Variants in SHMT1 observed in about 807,000 individuals in gnomAD.
The protein encoded by SHMT1 is serine hydroxymethyltransferase 1.
A neutral mutation model predicts 49.0 loss-of-function variants in SHMT1; 45 were observed. The ratio of observed to expected loss-of-function variants is 0.92; its 90% confidence interval spans 0.72 to 1.18. SHMT1 has a LOEUF of 1.18. Among genes scored for constraint, SHMT1 ranks in the 50% most tolerant of loss-of-function variants. SHMT1 has a pLI of 0.00. For synonymous variants in SHMT1, 232 were observed against 246.6 expected (o/e 0.94, Z 0.55); for missense variants, 541 against 612.4 (o/e 0.88, Z 1.23).
rs201669757 is a variant in SHMT1, at chr17:18,333,494, TCA to T, written c.932-208_932-207del. ...TTTTTATTTTTTTTGAGATGGAGTT[TCA>T]CTCTTGTTGCCCAGGCTGGAGTGCA... is the stretch of plus-strand genomic sequence containing the variant. On this transcript the variant is annotated intron_variant, in intron 8 of 11. Transcript: ENST00000316694. The T allele has an allele frequency of 7.2e-3, 1,374 of 190,828 alleles. 17 individuals are homozygous for T. Among genetic ancestry groups the T allele is most frequent in the African/African-American group, 0.03 (1,280 of 42,302 alleles). The allele number at this position is 190,828 out of a possible 1,614,324, so 11.8% of individuals were successfully genotyped here.
Position 18,328,683 on chromosome 17 carries a change from A to G in SHMT1, c.*67T>C. 1 of 1,523,796 alleles carries G rather than the reference A, an allele frequency of 6.6e-7. No individual in the cohort carries two copies. Among genetic ancestry groups the G allele is most frequent in the Non-Finnish European group, 8.9e-7 (1 of 1,127,932 alleles). 94.4% of individuals were successfully genotyped at this position (1,523,796 alleles called of 1,614,324 possible). A position where few individuals can be genotyped will look rare whatever the true frequency, so the allele number is the denominator to read the frequency against. On this transcript the variant is annotated 3_prime_UTR_variant, in exon 12 of 12. Coordinates refer to ENST00000316694, the MANE Select transcript of SHMT1 (RefSeq NM_004169.5). ...CTTTGGAGCAGCTCATCCATCTCTC[A>G]GGTGGGGGTCCTCCGGCAGGCAGCT...
At position 18,347,653 on chromosome 17, in the gene SHMT1, G is replaced by A. The variant is rs1184616795; in HGVS notation, c.362C>T (p.Ser121Phe). 1 of 1,614,156 alleles carries A rather than the reference G, an allele frequency of 6.2e-7. No homozygotes were observed. Among genetic ancestry groups the A allele is most frequent in the South Asian group, 1.1e-5 (1 of 91,082 alleles). The change falls in exon 5 of 12, where the codon TCC becomes TTC. Residue 121 changes from serine to phenylalanine, a missense_variant. Coordinates refer to ENST00000316694, the MANE Select transcript of SHMT1 (RefSeq NM_004169.5). ...AGTGTACACAGCAAAGTTTGCAGGG[G>A]AGCCTGAAACGAGTGGACCAGAGGA... is the stretch of plus-strand genomic sequence containing the variant. ...WGVNVQPYSG[S>F]PANFAVYTAL...
chr17:18,335,818 G>A (rs984573789), intron 7 of SHMT1, 143 bp from the exon 8 acceptor site: 59 of 730,086 alleles, frequency 8.1e-5, no homozygotes, highest in South Asian at 1.7e-4. Context: ...GTAACACAGC[G>A]GAGCAGAGGG....
At chr17:18,360,019 G>A (rs1373261132) in intron 1 of SHMT1, among the ~76,000 whole-genome samples, 1 of 152,108 alleles carries the variant, frequency 6.6e-6, no homozygotes, top group African/African-American at 2.4e-5. Context: ...AGGCCAAGGC[G>A]GGCGGATCAC....
chr17:18,362,885 C>A (rs549021778), intron 1 of SHMT1: 1 of 152,380 alleles, frequency 6.6e-6, no homozygotes, highest in South Asian at 2.1e-4. Flanking sequence ...TGGAGCGACC[C>A]TGCGCGCAGC....
intron 7 of SHMT1, among the ~76,000 whole-genome samples, chr17:18,339,130 G>A (rs556995457): frequency 9.0e-5 from 13 of 144,110 alleles, no homozygotes; most frequent in South Asian, 2.3e-4. Context: ...CAAAGTTGGC[G>A]CATCAGGTCT....
Position 18,339,619 on chromosome 17 carries a change from G to T in SHMT1, c.814+424C>A, listed in dbSNP as rs921466816. 2.0e-5 allele frequency among the ~76,000 whole-genome samples: 3 copies of T among 151,542 alleles called. No individual in the cohort carries two copies. In the East Asian group the frequency reaches 5.8e-4, roughly 29 times the overall value. On this transcript the variant is annotated intron_variant, in intron 7 of 11. Transcript: ENST00000316694. ...TCTGTCGCCCAGGCTGGAGTACAGT[G>T]GCACAATCTCAGCTCACTGCAAGCT...
In SHMT1 at chr17:18,335,669, T is replaced by C. The variant is rs759311579; in HGVS notation, c.821A>G (p.Lys274Arg). 2 of 1,610,636 alleles carry C rather than the reference T, an allele frequency of 1.2e-6. No individual in the cohort carries two copies. The highest frequency in any genetic ancestry group is 1.3e-5 in the African/African-American group (1 of 74,858). ...TTTGCCAGTCTTGGGATCCACACTT[T>C]TCACTCCTGGAGGAAGAAAAACATC... ...AGMIFYRKGV[K>R]SVDPKTGKEI... The change falls in exon 8 of 12, where the codon AAA becomes AGA. Residue 274 changes from lysine to arginine, a missense_variant. By Grantham distance (26) the Lys-to-Arg change is conservative. Transcript: ENST00000316694.
chr17:18,359,600 C>T (rs566229539), intron 1 of SHMT1, among the ~76,000 whole-genome samples: 25 of 151,760 alleles, frequency 1.6e-4, no homozygotes, highest in African/African-American at 5.1e-4. Context: ...TGCAGTGAGC[C>T]GAGATTGTGC....
rs774759178 is a variant in SHMT1, at chr17:18,333,150, C to T, written c.1054+16G>A. 4.0e-5 allele frequency: 64 copies of T among 1,613,790 alleles called. No homozygotes were observed. The highest frequency in any genetic ancestry group is 5.0e-5 in the Non-Finnish European group (59 of 1,179,852). ...ACCACAAGAACAGGCCTGCTGAACA[C>T]CATCTGTGTCTCTACCTGTGACTAT... On this transcript the variant is annotated intron_variant, in intron 9 of 11. Coordinates refer to ENST00000316694, the MANE Select transcript of SHMT1 (RefSeq NM_004169.5).
At chr17:18,359,984 A>G (rs1010294518) in intron 1 of SHMT1, among the ~76,000 whole-genome samples, 12 of 151,590 alleles carry the variant, frequency 7.9e-5, no homozygotes, top group African/African-American at 2.9e-4. Flanking sequence ...ACAGTGGCTC[A>G]CACCTGTAAC....
At chr17:18,362,728 G>C (rs1032500143) in intron 1 of SHMT1, among the ~76,000 whole-genome samples, 7 of 152,182 alleles carry the variant, frequency 4.6e-5, no homozygotes, top group African/African-American at 1.7e-4. Flanking sequence ...CTGGACCAAG[G>C]GTCACTTAAC....
At chr17:18,362,717 G>A (rs1215055421) in intron 1 of SHMT1, among the ~76,000 whole-genome samples, 2 of 152,194 alleles carry the variant, frequency 1.3e-5, no homozygotes, top group Non-Finnish European at 2.9e-5. Context: ...GCTGACCTCA[G>A]CTGGACCAAG....
In SHMT1 at chr17:18,340,868, C is replaced by G; in HGVS notation, c.520-55G>C. On this transcript the variant is annotated intron_variant, in intron 5 of 11. Coordinates refer to ENST00000316694, the MANE Select transcript of SHMT1 (RefSeq NM_004169.5). This position sits in a 1 kb window ranked among gnomAD's most constrained non-coding sequence, Gnocchi z 4.5. ...CTGCTTCCTCCAACCACACCTGCCT[C>G]CTGTCCTCCCACTTGAACTGGCTCC... 7.8e-7 allele frequency: 1 copy of G among 1,289,746 alleles called. No homozygotes were observed. Among genetic ancestry groups the G allele is most frequent in the Non-Finnish European group, 1.1e-6 (1 of 905,100 alleles). 79.9% of individuals were successfully genotyped at this position (1,289,746 alleles called of 1,614,324 possible). A position where few individuals can be genotyped will look rare whatever the true frequency, so the allele number is the denominator to read the frequency against.
At chr17:18,353,840 T>C in intron 2 of SHMT1, 23 bp from the exon 3 acceptor site, 2 of 1,612,794 alleles carry the variant, frequency 1.2e-6, no homozygotes, top group Non-Finnish European at 1.7e-6. Flanking sequence ...AAACAGATGC[T>C]TGATATTTGG....
At chr17:18,358,339 A>G (rs1485285223) in intron 1 of SHMT1, among the ~76,000 whole-genome samples, 1 of 151,218 alleles carries the variant, frequency 6.6e-6, no homozygotes, top group Non-Finnish European at 1.5e-5. Context: ...AAAATACAAA[A>G]ATTAGCCGGG....
At chr17:18,335,711 G>A (rs1983718423) in intron 7 of SHMT1, 36 bp from the exon 8 acceptor site, 5 of 1,422,362 alleles carry the variant, frequency 3.5e-6, no homozygotes, top group Non-Finnish European at 3.0e-6. Flanking sequence ...GGATCATAGG[G>A]GCTGTCCCCT....
intron 4 of SHMT1, 38 bp downstream of exon 4, chr17:18,348,287 G>A (rs1985311768): frequency 1.5e-6 from 2 of 1,327,986 alleles, no homozygotes; most frequent in Non-Finnish European, 2.2e-6. Context: ...GGATGCACAT[G>A]AAGAGGCTGC....
chr17:18,340,475 T>C lies in SHMT1; in HGVS notation c.602-220A>G, dbSNP rs548407477. 2.7e-5 allele frequency: 18 copies of C among 670,452 alleles called. No individual in the cohort carries two copies. The highest frequency in any genetic ancestry group is 8.1e-5 in the East Asian group (3 of 36,946). 41.5% of individuals were successfully genotyped at this position (670,452 alleles called of 1,614,324 possible). ...GTGGTTGAGATGGCCCCAACTACTA[T>C]TGCCAGCGCAGTCAGGGCCTGACAT... On this transcript the variant is annotated intron_variant, in intron 6 of 11. Transcript: ENST00000316694. This position sits in a 1 kb window ranked among gnomAD's most constrained non-coding sequence, Gnocchi z 4.5.
Sources: gnomAD v4.1 joint callset for allele counts (sites outside exome capture counted in the v4.1 genomes callset) on GRCh38, gnomAD v4.1.1 for gene constraint, Gnocchi (gnomAD v3.1) non-coding constraint, MANE v1.5 for transcripts, NCBI Gene and HGNC (gene_info 2026-07-23, HGNC 2026-07-21) for gene names.